The following MRAS variants were observed in gnomAD, a reference collection of about 807,000 sequenced individuals.
MRAS encodes ras-related protein M-Ras.
A neutral mutation model predicts 20.9 loss-of-function variants in MRAS; 4 were observed. The ratio of observed to expected loss-of-function variants is 0.19; its 90% CI spans 0.09 to 0.44. The LOEUF (loss-of-function observed/expected upper bound fraction) is 0.44. Among genes scored for constraint, MRAS ranks in the 20% least tolerant of loss-of-function variants. MRAS has a pLI of 0.99. For synonymous variants in MRAS, 98 were observed against 102.9 expected, an observed-to-expected ratio of 0.95 and a Z score of 0.29; for missense variants, 154 against 277.5, an observed-to-expected ratio of 0.56 and a Z score of 3.16.
chr3:138,397,240 G>A, intron 2 of MRAS, 84 bp from the exon 3 acceptor site: 2 of 1,503,782 alleles, frequency 1.3e-6, no homozygotes, highest in South Asian at 1.3e-5. Flanking sequence ...AGGGACAGCA[G>A]CAGCAGCAGT....
At chr3:138,359,767 C>G (rs549141942) in intron 1 of MRAS, among the ~76,000 whole-genome samples, 53 of 152,290 alleles carry the variant, frequency 3.5e-4, no homozygotes, top group Admixed American at 9.2e-4. Context: ...CTCACACCTC[C>G]TTGCACCAAA....
intron 3 of MRAS, among the ~76,000 whole-genome samples, chr3:138,398,078 A>G (rs945730996): frequency 1.3e-5 from 2 of 152,200 alleles, no homozygotes; most frequent in African/African-American, 2.4e-5. Flanking sequence ...GCCCATGTCA[A>G]TAAGAATCTT....
In MRAS at chr3:138,404,556, C is replaced by T. The variant is rs1179085212; in HGVS notation, c.*2287C>T. ...CTGTTCATCCATCCTGCACTTGGCC[C>T]ACGTTGAACTCCATGGTGCCTGAGA... is the stretch of plus-strand genomic sequence containing the variant. On this transcript the variant is annotated 3_prime_UTR_variant, in exon 6 of 6. Transcript: ENST00000423968. 3.3e-5 allele frequency: 5 copies of T among 152,198 alleles called. No individual in the cohort carries two copies. The highest frequency in any genetic ancestry group is 7.3e-5 in the Non-Finnish European group (5 of 68,070). 9.4% of individuals were successfully genotyped at this position (152,198 alleles called of 1,614,324 possible).
At chr3:138,394,921 A>C (rs1034953268) in intron 2 of MRAS, among the ~76,000 whole-genome samples, 11 of 152,118 alleles carry the variant, frequency 7.2e-5, no homozygotes, top group Non-Finnish European at 1.6e-4. Flanking sequence ...TGTTGCCTGG[A>C]TTCTTGTGCT....
At chr3:138,359,168 C>T (rs990288658) in intron 1 of MRAS, among the ~76,000 whole-genome samples, 1 of 152,140 alleles carries the variant, frequency 6.6e-6, no homozygotes, top group African/African-American at 2.4e-5. Context: ...AAAAATGCAG[C>T]AGTCATTTAG....
chr3:138,402,317 G>A lies in MRAS; in HGVS notation c.*48G>A, dbSNP rs1442391777. The stretch of plus-strand genomic sequence containing the variant: ...GTGACGGTGGCCTGGCCAGCCCTCG[G>A]GACCCCTCCCCACCTAACTGCACTG... On this transcript the variant is annotated 3_prime_UTR_variant, in exon 6 of 6. Coordinates refer to ENST00000423968, the MANE Select transcript of MRAS (RefSeq NM_001085049.3). 1.3e-6 allele frequency: 2 copies of A among 1,516,042 alleles called. No individual in the cohort carries two copies. The highest frequency in any genetic ancestry group is 2.3e-5 in the East Asian group (1 of 44,302). The allele number at this position is 1,516,042 out of a possible 1,614,324, so 93.9% of individuals were successfully genotyped here.
intron 1 of MRAS, among the ~76,000 whole-genome samples, chr3:138,358,427 CCAG>C (rs2054380015): frequency 6.6e-6 from 1 of 152,196 alleles, no homozygotes. Context: ...ACAGTAAGAA[CCAG>C]CAGAAGTGCT....
At chr3:138,378,508 C>T (rs2054830397) in intron 2 of MRAS, among the ~76,000 whole-genome samples, 1 of 152,202 alleles carries the variant, frequency 6.6e-6, no homozygotes, top group Non-Finnish European at 1.5e-5. Flanking sequence ...CTCTCTTCCT[C>T]CCCGTCTGGT....
At chr3:138,369,367 C>T (rs1209511071) in intron 1 of MRAS, among the ~76,000 whole-genome samples, 1 of 152,102 alleles carries the variant, frequency 6.6e-6, no homozygotes, top group African/African-American at 2.4e-5. Context: ...TGGTGCTGAC[C>T]CATGAGGAGG....
intron 1 of MRAS, among the ~76,000 whole-genome samples, chr3:138,366,616 G>C (rs1479701003): frequency 6.6e-6 from 1 of 152,226 alleles, no homozygotes; most frequent in East Asian, 1.9e-4. Flanking sequence ...AGAATGCCCT[G>C]TAGGATAGTG....
At chr3:138,368,767 G>A (rs1380966930) in intron 1 of MRAS, among the ~76,000 whole-genome samples, 1 of 152,150 alleles carries the variant, frequency 6.6e-6, no homozygotes, top group Non-Finnish European at 1.5e-5. Flanking sequence ...ACTTTTCGTC[G>A]TAGCCTGTGA....
intron 2 of MRAS, among the ~76,000 whole-genome samples, chr3:138,375,279 T>A (rs542636568): frequency 6.6e-6 from 1 of 152,356 alleles, no homozygotes; most frequent in African/African-American, 2.4e-5. Flanking sequence ...TGGCTTTGAT[T>A]TGCTAAACTT....
upstream of MRAS, chr3:138,348,140 G>C (rs569450269): frequency 1.3e-5 from 2 of 152,422 alleles, no homozygotes; most frequent in Non-Finnish European, 2.9e-5. Flanking sequence ...GGATTCGAAG[G>C]GAATGCAGCT....
Position 138,394,097 on chromosome 3 carries a change from C to T in MRAS, c.194-3227C>T, listed in dbSNP as rs977982850. 6.7e-4 allele frequency among the ~76,000 whole-genome samples: 92 copies of T among 138,272 alleles called. No individual in the cohort carries two copies. In the South Asian group the frequency reaches 7.4e-3, roughly 11 times the overall value. The allele number at this position is 138,272 out of a possible 152,430, so 90.7% of individuals were successfully genotyped here. ...TTCTGAGTCGAATTTTTTTTTTTTT[C>T]TAAGAAAAAAAAAAGCTGCAGTCCC... On this transcript the variant is annotated intron_variant, in intron 2 of 5. Coordinates refer to ENST00000423968, the MANE Select transcript of MRAS (RefSeq NM_001085049.3).
chr3:138,360,028 A>G (rs950668884), intron 1 of MRAS, among the ~76,000 whole-genome samples: 1 of 152,196 alleles, frequency 6.6e-6, no homozygotes, highest in Non-Finnish European at 1.5e-5. Flanking sequence ...TGCAGATATT[A>G]TGTTGCAGCA....
chr3:138,361,258 G>A (rs1200178888), intron 1 of MRAS, among the ~76,000 whole-genome samples: 1 of 152,214 alleles, frequency 6.6e-6, no homozygotes, highest in Non-Finnish European at 1.5e-5. Context: ...GAGGCCATGC[G>A]AGGGGAAGGG....
At chr3:138,378,853 A>G (rs1181906126) in intron 2 of MRAS, among the ~76,000 whole-genome samples, 6 of 152,080 alleles carry the variant, frequency 3.9e-5, no homozygotes, top group Non-Finnish European at 5.9e-5. Context: ...GAAACTCTGT[A>G]CCTATTAAAC....
intron 2 of MRAS, among the ~76,000 whole-genome samples, chr3:138,385,142 G>C (rs1262483523): frequency 6.6e-6 from 1 of 150,854 alleles, no homozygotes; most frequent in African/African-American, 2.4e-5. Context: ...CAAGGGGCGG[G>C]GTTTTGATTT....
chr3:138,365,128 C>T (rs568439779), intron 1 of MRAS, among the ~76,000 whole-genome samples: 2 of 152,354 alleles, frequency 1.3e-5, no homozygotes, highest in Non-Finnish European at 2.9e-5. Flanking sequence ...CTCTGTGTCT[C>T]AGTTTCTTCA....
Sources: gnomAD v4.1 joint callset for allele counts (sites outside exome capture counted in the v4.1 genomes callset) on GRCh38, gnomAD v4.1.1 for gene constraint, MANE v1.5 for transcripts, NCBI Gene and HGNC (gene_info 2026-07-23, HGNC 2026-07-21) for gene names.